Variants in TMEM30A observed in about 807,000 individuals in gnomAD.
The protein encoded by TMEM30A is cell cycle control protein 50A.
TMEM30A carries 24 observed loss-of-function variants against 38.2 expected under a neutral mutation model. The ratio of observed to expected loss-of-function variants is 0.63; its 90% confidence interval spans 0.46 to 0.88. The LOEUF is 0.88. Ranked by LOEUF, TMEM30A falls within the 40% of genes least tolerant of loss-of-function variation. The probability of loss-of-function intolerance (pLI) is 0.00; values close to 1 mark genes in which losing one functional copy is unlikely to be tolerated. For synonymous variants in TMEM30A, 145 were observed against 161.6 expected, an observed-to-expected ratio of 0.90 and a Z score of 0.78; for missense variants, 370 against 458.6, an observed-to-expected ratio of 0.81 and a Z score of 1.77.
intron 1 of TMEM30A, among the ~76,000 whole-genome samples, chr6:75,277,605 T>C (rs1177394785): frequency 4.0e-5 from 6 of 150,494 alleles, no homozygotes; most frequent in Non-Finnish European, 8.8e-5. Context: ...CCCATCTCTA[T>C]TTTTTTTAAA....
intron 3 of TMEM30A, among the ~76,000 whole-genome samples, chr6:75,264,867 C>T (rs895328092): frequency 2.0e-5 from 3 of 151,926 alleles, no homozygotes; most frequent in South Asian, 4.2e-4. Flanking sequence ...TGTGGGAGGC[C>T]GAGGTGGGCA....
At position 75,255,021 on chromosome 6, in the gene TMEM30A, C is replaced by T. The variant is rs969067296; in HGVS notation, c.*1081G>A. On this transcript the variant is annotated 3_prime_UTR_variant, in exon 7 of 7. Coordinates refer to ENST00000230461, the MANE Select transcript of TMEM30A (RefSeq NM_018247.4). ...TTAAAGTATGTCTTAGGAAAACCAA[C>T]CAAAACAATTGGTGCCTTAACTAAA... is the stretch of plus-strand genomic sequence containing the variant. The T allele has an allele frequency of 3.3e-5, 5 of 152,400 alleles. No individual in the cohort carries two copies. The highest frequency in any genetic ancestry group is 3.3e-4 in the Admixed American group (5 of 15,254). 9.4% of individuals were successfully genotyped at this position (152,400 alleles called of 1,614,324 possible).
chr6:75,284,416 T>A lies in TMEM30A; in HGVS notation c.223A>T (p.Ile75Phe). Residue 75 changes from isoleucine (I) to phenylalanine (F), a missense_variant, in exon 1 of 7, where the codon ATC (isoleucine) becomes TTC (phenylalanine). Physicochemically the swap from Ile to Phe is conservative, Grantham distance 21. Coordinates refer to ENST00000230461, the MANE Select transcript of TMEM30A (RefSeq NM_018247.4). The stretch of plus-strand genomic sequence containing the variant: ...CCTCCCCTCACCTCGATCTCGCGGA[T>A]GTTGTTGGAGGTGACAAAAATGCCA... ...GIGIFVTSNN[I>F]REIEIDYTGT... is the part of the protein sequence containing the mutation. 3 of 1,613,278 alleles carry A rather than the reference T, an allele frequency of 1.9e-6. No homozygotes were observed. Among genetic ancestry groups the A allele is most frequent in the Non-Finnish European group, 2.5e-6 (3 of 1,179,364 alleles).
intron 6 of TMEM30A, among the ~76,000 whole-genome samples, chr6:75,257,707 T>A (rs533075295): frequency 6.6e-6 from 1 of 152,176 alleles, no homozygotes. Flanking sequence ...TATTTACTTG[T>A]GTATTCAGGT....
chr6:75,255,339 C>T lies in TMEM30A; in HGVS notation c.*763G>A, dbSNP rs191103014. On this transcript the variant is annotated 3_prime_UTR_variant, in exon 7 of 7. Transcript: ENST00000230461. Reference sequence around the variant, plus strand: ...CCATATCACCTGAATTCTTTCTTCCCTTATAAAGTATAAGCTTCAAGGGAA... The same window carrying T: ...CCATATCACCTGAATTCTTTCTTCCTTTATAAAGTATAAGCTTCAAGGGAA... 82 of 152,624 alleles carry T rather than the reference C, an allele frequency of 5.4e-4. No individual in the cohort carries two copies. Among genetic ancestry groups the T allele is most frequent in the African/African-American group, 1.7e-3 (72 of 41,534 alleles). The allele number at this position is 152,624 out of a possible 1,614,324, so 9.5% of individuals were successfully genotyped here.
At chr6:75,267,383 C>G (rs1021995314) in intron 2 of TMEM30A, among the ~76,000 whole-genome samples, 1 of 152,126 alleles carries the variant, frequency 6.6e-6, no homozygotes, top group South Asian at 2.1e-4. Flanking sequence ...ATAACATTAT[C>G]TGTTGAAAGG....
intron 3 of TMEM30A, among the ~76,000 whole-genome samples, chr6:75,262,672 C>CA (rs1421485947): frequency 4.7e-5 from 7 of 150,094 alleles, no homozygotes; most frequent in Admixed American, 6.6e-5. Flanking sequence ...ACAACAACAA[C>CA]AAAAAAAAAC....
intron 1 of TMEM30A, among the ~76,000 whole-genome samples, chr6:75,283,232 C>G (rs923091435): frequency 6.6e-6 from 1 of 151,994 alleles, no homozygotes; most frequent in African/African-American, 2.4e-5. Flanking sequence ...TAAACTGGAA[C>G]CCCATCCCTA....
At chr6:75,264,995 G>A (rs911306679) in intron 3 of TMEM30A, among the ~76,000 whole-genome samples, 1 of 151,966 alleles carries the variant, frequency 6.6e-6, no homozygotes, top group Admixed American at 6.6e-5. Context: ...AGCTACTCGG[G>A]AGACTGAGGC....
chr6:75,277,106 C>G (rs370261693), intron 1 of TMEM30A, among the ~76,000 whole-genome samples: 2 of 152,208 alleles, frequency 1.3e-5, no homozygotes, highest in South Asian at 4.2e-4. Context: ...TAACATACTT[C>G]AAATGCAGCA....
At chr6:75,272,476 G>C (rs1382837067) in intron 1 of TMEM30A, 1 of 152,200 alleles carries the variant, frequency 6.6e-6, no homozygotes, top group Non-Finnish European at 1.5e-5. Context: ...ATTTAGGAAA[G>C]TTTTAGGTTA....
At chr6:75,280,017 C>A (rs1344406638) in intron 1 of TMEM30A, among the ~76,000 whole-genome samples, 1 of 152,130 alleles carries the variant, frequency 6.6e-6, no homozygotes. Context: ...TATCTGAAGT[C>A]TTTTCGAGAG....
chr6:75,280,113 A>G (rs758118237), intron 1 of TMEM30A, among the ~76,000 whole-genome samples: 44 of 152,204 alleles, frequency 2.9e-4, no homozygotes, highest in Non-Finnish European at 5.4e-4. Context: ...GAAATGAAGA[A>G]TGATGTTCCT....
intron 1 of TMEM30A, among the ~76,000 whole-genome samples, chr6:75,275,172 G>C (rs1357918963): frequency 6.6e-6 from 1 of 152,010 alleles, no homozygotes; most frequent in Non-Finnish European, 1.5e-5. Context: ...TCCTTTGCTA[G>C]TTCCTCCTTA....
chr6:75,281,625 G>A (rs1349170543), intron 1 of TMEM30A, among the ~76,000 whole-genome samples: 1 of 151,986 alleles, frequency 6.6e-6, no homozygotes, highest in Non-Finnish European at 1.5e-5. Flanking sequence ...CATTTCTGCG[G>A]GAATGAGAAA....
chr6:75,281,269 T>A (rs1053228361), intron 1 of TMEM30A, among the ~76,000 whole-genome samples: 7 of 152,170 alleles, frequency 4.6e-5, no homozygotes, highest in African/African-American at 1.4e-4. Context: ...AACCTCTGTA[T>A]CTCAGTCTCA....
At chr6:75,259,226 G>GCTGA in intron 5 of TMEM30A, 121 bp downstream of exon 5, 1 of 1,109,846 alleles carries the variant, frequency 9.0e-7, no homozygotes, top group Non-Finnish European at 1.3e-6. Flanking sequence ...TTGGTATGAA[G>GCTGA]CTGAGGAAAG....
rs545527006 is a variant in TMEM30A at position 75,259,055 on chromosome 6, G to A, written c.686-69C>T. 1.9e-4 allele frequency: 249 copies of A among 1,325,724 alleles called. 1 individual carries two copies. In the African/African-American group the frequency reaches 2.0e-3, roughly 11 times the overall value. The allele number at this position is 1,325,724 out of a possible 1,614,324, so 82.1% of individuals were successfully genotyped here. On this transcript the variant is annotated intron_variant, in intron 5 of 6. Transcript: ENST00000230461. ...TGTGAAATTAAAGTGGCGGAGAAAC[G>A]AATAAATTTGGATAATAAATAGGGG...
chr6:75,270,669 C>T (rs752710955), intron 1 of TMEM30A, among the ~76,000 whole-genome samples: 1 of 152,184 alleles, frequency 6.6e-6, no homozygotes, highest in Non-Finnish European at 1.5e-5. Context: ...TTTAACCCAA[C>T]CAATGGAAGG....
Sources: allele counts gnomAD v4.1 joint callset (sites outside exome capture counted in the v4.1 genomes callset), GRCh38; gene constraint gnomAD v4.1.1; transcripts MANE v1.5; gene names NCBI Gene and HGNC (gene_info 2026-07-23, HGNC 2026-07-21).